The following ZNF273 variants were observed in gnomAD, a reference collection of about 807,000 sequenced individuals.
ZNF273 encodes zinc finger protein 9.
ZNF273 carries 11 observed loss-of-function variants against 14.9 expected under a neutral mutation model. That is an observed-to-expected ratio of 0.74 (90% confidence interval 0.46 to 1.22). ZNF273 has a LOEUF of 1.22. Ranked by LOEUF, ZNF273 falls within the 50% of genes most tolerant of loss-of-function variation. ZNF273 has a pLI of 0.00. For synonymous variants in ZNF273, 199 were observed against 223.9 expected (o/e 0.89, Z 0.99); for missense variants, 577 against 660.6 (o/e 0.87, Z 1.39).
chr7:64,881,356 T>C (rs1279884287), downstream of ZNF273, among the ~76,000 whole-genome samples: 2 of 152,256 alleles, frequency 1.3e-5, no homozygotes, highest in African/African-American at 4.8e-5. Flanking sequence ...AACGATTCCC[T>C]GTCCACGGAG....
intron 3 of ZNF273, among the ~76,000 whole-genome samples, chr7:64,918,699 G>T (rs962476631): frequency 3.4e-5 from 5 of 147,576 alleles, no homozygotes; most frequent in Non-Finnish European, 3.0e-5. Context: ...TGTGATTTGG[G>T]AAGCTGCGTT....
At position 64,903,344 on chromosome 7, in the gene ZNF273, T is replaced by C. The variant is rs974525244; in HGVS notation, c.27T>C (p.Pro9=). The change falls in exon 1 of 4, where the codon CCT becomes CCC. Residue 9 remains proline, a synonymous_variant. Transcript: ENST00000476120. ...TGTCCTCTGCTCCTAGAGGTCCACC[T>C]TCTGTGGCCCCGTTACCTGCAGGTA... MSSAPRGP[P]SVAPLPAGIG... is the part of the protein sequence containing the mutation. 44 of 1,613,138 alleles carry C rather than the reference T, an allele frequency of 2.7e-5. No homozygotes were observed. Among genetic ancestry groups the C allele is most frequent in the Non-Finnish European group, 3.6e-5 (43 of 1,179,416 alleles).
intron 1 of ZNF273, among the ~76,000 whole-genome samples, chr7:64,908,685 A>G (rs1793281543): frequency 6.6e-6 from 1 of 152,050 alleles, no homozygotes; most frequent in Admixed American, 6.6e-5. Context: ...CAAACTCCTG[A>G]CCTCAACTGA....
intron 3 of ZNF273, among the ~76,000 whole-genome samples, chr7:64,921,655 T>G (rs1794473739): frequency 8.7e-6 from 1 of 115,306 alleles, no homozygotes; most frequent in Non-Finnish European, 1.7e-5. Flanking sequence ...AGACAGAGTC[T>G]TGCTCTCTTG....
intron 3 of ZNF273, among the ~76,000 whole-genome samples, chr7:64,921,880 C>T (rs1374505151): frequency 3.3e-5 from 5 of 151,902 alleles, no homozygotes; most frequent in East Asian, 1.9e-4. Context: ...CCACCCACCT[C>T]GGCCTCCCAA....
intron 1 of ZNF273, among the ~76,000 whole-genome samples, chr7:64,913,829 A>G (rs1157425500): frequency 1.2e-4 from 18 of 152,176 alleles, no homozygotes; most frequent in Admixed American, 1.0e-3. Flanking sequence ...TAAGCTCGTT[A>G]AAGTCTGAGA....
Position 64,913,530 on chromosome 7 carries a change from C to T in ZNF273, c.103-4051C>T, listed in dbSNP as rs76966945. 1.1e-4 allele frequency among the ~76,000 whole-genome samples: 16 copies of T among 152,346 alleles called. No individual in the cohort carries two copies. In the East Asian group the frequency reaches 2.9e-3, roughly 28 times the overall value. ...ATGTGTACATGCTGTTTTTCAAATGCAGACTTATTCAGACATTGCTGCCTT... is the reference window on the plus strand; with the variant it reads ...ATGTGTACATGCTGTTTTTCAAATGTAGACTTATTCAGACATTGCTGCCTT... On this transcript the variant is annotated intron_variant, in intron 1 of 3. Transcript: ENST00000476120.
downstream of ZNF273, chr7:64,893,753 G>T: frequency 6.9e-6 from 1 of 144,370 alleles, no homozygotes; most frequent in South Asian, 1.9e-4. Context: ...AACAGTCACA[G>T]AGAGAGGACA....
intron 3 of ZNF273, among the ~76,000 whole-genome samples, chr7:64,922,395 C>T (rs1040672503): frequency 7.2e-5 from 11 of 151,790 alleles, no homozygotes; most frequent in African/African-American, 2.7e-4. Context: ...GTGGCATGAT[C>T]TCGGCTCACT....
intron 1 of ZNF273, among the ~76,000 whole-genome samples, chr7:64,908,236 T>C (rs538308765): frequency 1.5e-4 from 23 of 152,376 alleles, no homozygotes; most frequent in African/African-American, 5.3e-4. Context: ...TCTCCACTCA[T>C]GGATTTTTTT....
In ZNF273 at chr7:64,928,703, A is replaced by G; in HGVS notation, c.1375A>G (p.Lys459Glu). 1 of 1,606,846 alleles carries G rather than the reference A, an allele frequency of 6.2e-7. No individual in the cohort carries two copies. The highest frequency in any genetic ancestry group is 1.3e-5 in the African/African-American group (1 of 74,784). Residue 459 changes from lysine to glutamate, a missense_variant, in exon 4 of 4, where the codon AAA becomes GAA. By Grantham distance (56) the Lys-to-Glu change is moderately conservative. Coordinates refer to ENST00000476120, the MANE Select transcript of ZNF273 (RefSeq NM_021148.3). ...AATTCATACTGGAGCAAAACCTTAC[A>G]AATGTGAAGAATGTGGCAGTGCCTT... ...KIIHTGAKPY[K>E]CEECGSAFRA...
chr7:64,886,831 G>A (rs1196415774), intron 1 of ZNF273, among the ~76,000 whole-genome samples: 1 of 152,122 alleles, frequency 6.6e-6, no homozygotes, highest in Non-Finnish European at 1.5e-5. Context: ...CCTTCTTGTG[G>A]TACAAGAAGG....
downstream of ZNF273, among the ~76,000 whole-genome samples, chr7:64,894,773 T>C (rs1037979192): frequency 6.6e-6 from 1 of 152,214 alleles, no homozygotes; most frequent in African/African-American, 2.4e-5. Context: ...ACTACAGTGA[T>C]GGGCATTCAC....
At chr7:64,917,847 G>T in intron 2 of ZNF273, 140 bp downstream of exon 2, 2 of 977,220 alleles carry the variant, frequency 2.0e-6, no homozygotes, top group Non-Finnish European at 2.8e-6. Context: ...ATTTAGAAAT[G>T]AATTTCTTCA....
downstream of ZNF273, chr7:64,889,442 G>A (rs2129040794): frequency 1.0e-6 from 1 of 985,854 alleles, no homozygotes; most frequent in Admixed American, 6.1e-5. This position sits in a 1 kb window ranked among gnomAD's most constrained non-coding sequence, Gnocchi z 4.2. Context: ...TCGGGCTCGG[G>A]TGGCCTCACC....
At chr7:64,888,869 A>G (rs1052016864), downstream of ZNF273, 10 of 985,854 alleles carry the variant, frequency 1.0e-5, no homozygotes, top group African/African-American at 1.7e-4. Context: ...ATGTTCATCT[A>G]TCTGCCAGGG....
At chr7:64,914,327 A>G (rs2863925) in intron 1 of ZNF273, among the ~76,000 whole-genome samples, 145,134 of 148,186 alleles carry the variant, frequency 0.98, 71,159 homozygotes, top group East Asian at 1. Context: ...ATGAGCCACC[A>G]CACCTGGACT....
At chr7:64,900,195 C>T (rs890007405), upstream of ZNF273, among the ~76,000 whole-genome samples, 18 of 151,158 alleles carry the variant, frequency 1.2e-4, no homozygotes, top group Non-Finnish European at 2.9e-5. Flanking sequence ...TGTGTAATCT[C>T]GGCTCACTGC....
chr7:64,916,792 T>C (rs1272524088), intron 1 of ZNF273, among the ~76,000 whole-genome samples: 12 of 151,428 alleles, frequency 7.9e-5, no homozygotes, highest in East Asian at 1.9e-4. Context: ...ACATGTAACC[T>C]ATGTTACATG....
Sources: gnomAD v4.1 joint callset for allele counts (sites outside exome capture counted in the v4.1 genomes callset) on GRCh38, gnomAD v4.1.1 for gene constraint, Gnocchi (gnomAD v3.1) non-coding constraint, MANE v1.5 for transcripts, NCBI Gene and HGNC (gene_info 2026-07-23, HGNC 2026-07-21) for gene names.